Variants in TBCA observed in about 807,000 individuals in gnomAD.
TBCA encodes tubulin folding cofactor A, also known as tubulin-specific chaperone A.
A neutral mutation model predicts 15.8 loss-of-function variants in TBCA; 6 were observed. The ratio of observed to expected loss-of-function variants is 0.38; its 90% CI spans 0.21 to 0.75. TBCA has a LOEUF of 0.75. TBCA is among the 30% of genes least tolerant of loss of function. The pLI is 0.46. For missense variants in TBCA, 90 were observed against 131.2 expected, an observed-to-expected ratio of 0.69 and a Z score of 1.53; for synonymous variants, 32 against 42.3, an observed-to-expected ratio of 0.76 and a Z score of 0.94.
intron 1 of TBCA, among the ~76,000 whole-genome samples, chr5:77,758,666 T>C (rs116334877): frequency 2.2e-4 from 34 of 152,288 alleles, no homozygotes; most frequent in African/African-American, 7.7e-4. Flanking sequence ...CTTCACTTAG[T>C]GTGGGCTGCC....
At chr5:77,714,319 C>CA (rs1302598226) in intron 1 of TBCA, among the ~76,000 whole-genome samples, 1 of 151,248 alleles carries the variant, frequency 6.6e-6, no homozygotes, top group Non-Finnish European at 1.5e-5. Flanking sequence ...GACTCCATCT[C>CA]AAAAAAACAA....
intron 1 of TBCA, among the ~76,000 whole-genome samples, chr5:77,716,736 TAA>T (rs143542359): frequency 1.6e-3 from 246 of 152,284 alleles, no homozygotes; most frequent in African/African-American, 5.6e-3. Context: ...CATTTGAACA[TAA>T]AAGTCTAAAT....
intron 1 of TBCA, among the ~76,000 whole-genome samples, chr5:77,731,520 T>C (rs1746769285): frequency 6.6e-6 from 1 of 152,222 alleles, no homozygotes; most frequent in South Asian, 2.1e-4. Context: ...AATCCTATTT[T>C]TTCTTTGCAA....
intron 1 of TBCA, among the ~76,000 whole-genome samples, chr5:77,757,879 G>T (rs929996496): frequency 6.6e-6 from 1 of 152,202 alleles, no homozygotes; most frequent in Non-Finnish European, 1.5e-5. Flanking sequence ...GTCAAGGGTA[G>T]AAGGTATCTG....
intron 1 of TBCA, among the ~76,000 whole-genome samples, chr5:77,745,217 C>T (rs1290972938): frequency 6.6e-6 from 1 of 152,076 alleles, no homozygotes; most frequent in Non-Finnish European, 1.5e-5. Flanking sequence ...ATTTTAGAAG[C>T]AGAAAACATT....
At chr5:77,697,432 C>T (rs770727440) in intron 2 of TBCA, among the ~76,000 whole-genome samples, 27 of 152,118 alleles carry the variant, frequency 1.8e-4, no homozygotes, top group South Asian at 4.1e-4. Context: ...CTACATAATA[C>T]ATTATCTGAC....
intron 2 of TBCA, among the ~76,000 whole-genome samples, chr5:77,699,643 T>C (rs1045384875): frequency 2.6e-5 from 4 of 151,864 alleles, no homozygotes; most frequent in Admixed American, 6.6e-5. Flanking sequence ...GGGAAAAAAA[T>C]AGAAAATCTT....
At chr5:77,736,335 C>CA (rs34100013) in intron 1 of TBCA, among the ~76,000 whole-genome samples, 2,831 of 90,006 alleles carry the variant, frequency 0.031, 111 homozygotes, top group African/African-American at 0.094. Flanking sequence ...GACTCCGTCT[C>CA]AAAAAAAAAA....
chr5:77,775,551 G>A (rs979865758), intron 1 of TBCA, among the ~76,000 whole-genome samples: 1 of 152,210 alleles, frequency 6.6e-6, no homozygotes, highest in African/African-American at 2.4e-5. Flanking sequence ...ATTAAGACCT[G>A]TCTCAGATAC....
intron 2 of TBCA, among the ~76,000 whole-genome samples, chr5:77,701,496 C>A (rs1280086380): frequency 1.3e-5 from 2 of 151,622 alleles, no homozygotes; most frequent in East Asian, 3.9e-4. Context: ...GTGGAGATTC[C>A]TTAAAGAACT....
chr5:77,767,490 T>G (rs1747807184), intron 1 of TBCA, among the ~76,000 whole-genome samples: 1 of 152,196 alleles, frequency 6.6e-6, no homozygotes, highest in South Asian at 2.1e-4. Flanking sequence ...CAAAACTCAC[T>G]TGTCTACTCT....
At chr5:77,775,522 G>A (rs1257340838) in intron 1 of TBCA, among the ~76,000 whole-genome samples, 1 of 152,168 alleles carries the variant, frequency 6.6e-6, no homozygotes, top group Non-Finnish European at 1.5e-5. Context: ...GCACGTCCTT[G>A]GCAAAATAAA....
At chr5:77,703,372 G>C (rs192992403) in intron 2 of TBCA, among the ~76,000 whole-genome samples, 2 of 152,074 alleles carry the variant, frequency 1.3e-5, no homozygotes, top group African/African-American at 2.4e-5. Context: ...CCAAGTGAGG[G>C]CAAAACCCTC....
chr5:77,772,894 C>T (rs1747945547), intron 1 of TBCA, among the ~76,000 whole-genome samples: 1 of 152,126 alleles, frequency 6.6e-6, no homozygotes, highest in African/African-American at 2.4e-5. Context: ...TGAGTATTTT[C>T]TCTAGAATAT....
intron 1 of TBCA, among the ~76,000 whole-genome samples, chr5:77,708,798 C>T (rs1412702030): frequency 1.3e-5 from 2 of 151,882 alleles, no homozygotes; most frequent in African/African-American, 4.8e-5. Flanking sequence ...CTCAATCTCC[C>T]GACCTTGTGA....
chr5:77,700,648 T>C (rs1470621612), intron 2 of TBCA, among the ~76,000 whole-genome samples: 1 of 151,582 alleles, frequency 6.6e-6, no homozygotes, highest in Non-Finnish European at 1.5e-5. Context: ...TGGAAAAGAG[T>C]TTGGTAGTTT....
intron 1 of TBCA, among the ~76,000 whole-genome samples, chr5:77,737,718 A>C (rs1182382086): frequency 6.6e-6 from 1 of 152,224 alleles, no homozygotes; most frequent in Non-Finnish European, 1.5e-5. Flanking sequence ...AGAAACTGAT[A>C]ATTTTTTCCA....
At chr5:77,723,915 G>A (rs1746576355) in intron 1 of TBCA, among the ~76,000 whole-genome samples, 1 of 151,978 alleles carries the variant, frequency 6.6e-6, no homozygotes, top group Admixed American at 6.6e-5. Flanking sequence ...TAAATATTTT[G>A]AAATAGTTTT....
chr5:77,723,358 A>G (rs1746565772), intron 1 of TBCA, among the ~76,000 whole-genome samples: 1 of 152,042 alleles, frequency 6.6e-6, no homozygotes, highest in Non-Finnish European at 1.5e-5. Context: ...GGCCTTGTAG[A>G]AACTTGAGTT....
Sources: allele counts gnomAD v4.1 joint callset (sites outside exome capture counted in the v4.1 genomes callset), GRCh38; gene constraint gnomAD v4.1.1; transcripts MANE v1.5; gene names NCBI Gene and HGNC (gene_info 2026-07-23, HGNC 2026-07-21).